CTNND2: variants seen among roughly 807,000 people sequenced by gnomAD.
CTNND2 encodes catenin delta-2.
In CTNND2, 22 loss-of-function variants were observed where a neutral mutation model predicts 144.4. The observed-to-expected ratio is 0.15, with a 90% CI of 0.11 to 0.22. The LOEUF is 0.22. CTNND2 is among the 10% of genes least tolerant of loss of function. CTNND2 has a pLI of 1.00. For synonymous variants in CTNND2, 751 were observed against 695.6 expected (o/e 1.08, Z -1.25); for missense variants, 1,353 against 1,618.8 (o/e 0.84, Z 2.82).
At chr5:11,253,341 A>C (rs989971463) in intron 9 of CTNND2, among the ~76,000 whole-genome samples, 5 of 152,192 alleles carry the variant, frequency 3.3e-5, no homozygotes, top group African/African-American at 1.2e-4. Context: ...CCTCACTCAA[A>C]TCTTATCTTG....
At chr5:11,530,860 G>C (rs1410047004) in intron 3 of CTNND2, among the ~76,000 whole-genome samples, 1 of 152,098 alleles carries the variant, frequency 6.6e-6, no homozygotes, top group African/African-American at 2.4e-5. Flanking sequence ...CTCTTGACTG[G>C]GGTTTTTTAA....
chr5:11,217,074 C>T (rs921819642), intron 10 of CTNND2, among the ~76,000 whole-genome samples: 13 of 152,136 alleles, frequency 8.5e-5, no homozygotes, highest in Admixed American at 6.5e-4. Flanking sequence ...ACTCTTTGTC[C>T]ATTTTCTTGA....
At chr5:11,076,720 T>C (rs1219190482) in intron 16 of CTNND2, among the ~76,000 whole-genome samples, 1 of 152,226 alleles carries the variant, frequency 6.6e-6, no homozygotes, top group Non-Finnish European at 1.5e-5. Context: ...AGTGCTACTG[T>C]ATGATTCTCA....
chr5:11,479,349 G>T (rs180748817), intron 3 of CTNND2, among the ~76,000 whole-genome samples: 12 of 152,172 alleles, frequency 7.9e-5, no homozygotes, highest in African/African-American at 2.6e-4. Flanking sequence ...TTATGGCTGT[G>T]TACAATTCCA....
rs557800317 is a variant in CTNND2, at chr5:11,105,710, T to C, written c.2463+5148A>G. Among the ~76,000 whole-genome samples, 9 of 152,326 alleles carry C rather than the reference T, an allele frequency of 5.9e-5. No homozygotes were observed. In the South Asian group the frequency reaches 1.7e-3, roughly 28 times the overall value. The stretch of plus-strand genomic sequence containing the variant: ...TCTTCCACTAGAGGTGAGAAAGAAG[T>C]AGAAGAATATGGTTCATCCATGGAT... On this transcript the variant is annotated intron_variant, in intron 14 of 21. Transcript: ENST00000304623.
At chr5:11,513,521 T>C (rs964352555) in intron 3 of CTNND2, among the ~76,000 whole-genome samples, 21 of 152,340 alleles carry the variant, frequency 1.4e-4, no homozygotes, top group African/African-American at 5.1e-4. Context: ...TCAATTTTTC[T>C]TCCTTTCTCC....
intron 9 of CTNND2, among the ~76,000 whole-genome samples, chr5:11,257,747 T>A (rs1025596474): frequency 3.3e-5 from 5 of 152,226 alleles, no homozygotes; most frequent in African/African-American, 1.2e-4. Context: ...AGGAGCCTGA[T>A]GGTTGATGGG....
intron 1 of CTNND2, among the ~76,000 whole-genome samples, chr5:11,799,349 C>T (rs997536889): frequency 2.0e-5 from 3 of 152,056 alleles, no homozygotes; most frequent in African/African-American, 7.2e-5. Flanking sequence ...TGCTTTCTTC[C>T]TTTTTATCTC....
At chr5:11,056,324 A>G (rs1373313164) in intron 16 of CTNND2, among the ~76,000 whole-genome samples, 1 of 152,238 alleles carries the variant, frequency 6.6e-6, no homozygotes, top group Non-Finnish European at 1.5e-5. Flanking sequence ...TGCTAAGGAA[A>G]TATTGAAAAA....
intron 18 of CTNND2, among the ~76,000 whole-genome samples, chr5:10,995,825 G>A (rs368441658): frequency 6.6e-6 from 1 of 152,158 alleles, no homozygotes; most frequent in Non-Finnish European, 1.5e-5. Context: ...CATGGACATG[G>A]GGAAGAGACT....
At chr5:11,397,515 C>T (rs957096706) in intron 5 of CTNND2, among the ~76,000 whole-genome samples, 14 of 152,098 alleles carry the variant, frequency 9.2e-5, no homozygotes, top group Non-Finnish European at 1.5e-4. Flanking sequence ...ATTTTGGGAT[C>T]AGACAATATC....
intron 18 of CTNND2, among the ~76,000 whole-genome samples, chr5:11,008,364 T>C (rs1638361): frequency 0.78 from 117,413 of 151,460 alleles, 45,746 homozygotes; most frequent in African/African-American, 0.85. Flanking sequence ...AAGAGAGATT[T>C]GGGGGGTCAC....
intron 9 of CTNND2, among the ~76,000 whole-genome samples, chr5:11,237,917 G>A (rs1370780277): frequency 6.6e-6 from 1 of 152,140 alleles, no homozygotes; most frequent in Non-Finnish European, 1.5e-5. Flanking sequence ...ATAACATAAT[G>A]ACTTTATAAT....
chr5:11,014,936 A>G (rs946672727), intron 18 of CTNND2, among the ~76,000 whole-genome samples: 4 of 152,166 alleles, frequency 2.6e-5, no homozygotes, highest in Non-Finnish European at 5.9e-5. Context: ...TTTGGTCTAT[A>G]AGTTTCTTTC....
At chr5:11,217,472 T>C (rs956559811) in intron 10 of CTNND2, among the ~76,000 whole-genome samples, 1 of 152,182 alleles carries the variant, frequency 6.6e-6, no homozygotes, top group Non-Finnish European at 1.5e-5. Context: ...TCATAGGCAG[T>C]GCCTATGATT....
At chr5:11,413,513 G>A (rs1761703991) in intron 3 of CTNND2, among the ~76,000 whole-genome samples, 1 of 152,074 alleles carries the variant, frequency 6.6e-6, no homozygotes, top group South Asian at 2.1e-4. Flanking sequence ...AATCCCATTG[G>A]TCATTTGCAG....
At chr5:11,265,654 C>T (rs1211857851) in intron 9 of CTNND2, among the ~76,000 whole-genome samples, 1 of 150,752 alleles carries the variant, frequency 6.6e-6, no homozygotes, top group African/African-American at 2.4e-5. Context: ...TTAAGTTGTC[C>T]AAAATCAGTT....
intron 8 of CTNND2, among the ~76,000 whole-genome samples, chr5:11,354,441 C>G (rs373164851): frequency 6.6e-6 from 1 of 152,170 alleles, no homozygotes; most frequent in South Asian, 2.1e-4. Context: ...TAGCTTGGAA[C>G]CTGGTGGATT....
intron 2 of CTNND2, among the ~76,000 whole-genome samples, chr5:11,719,857 C>CAT (rs1786562056): frequency 6.6e-6 from 1 of 151,530 alleles, no homozygotes; most frequent in South Asian, 2.1e-4. Context: ...CACACACACA[C>CAT]ACACACACAC....
Sources: allele counts gnomAD v4.1 joint callset (sites outside exome capture counted in the v4.1 genomes callset), GRCh38; gene constraint gnomAD v4.1.1; transcripts MANE v1.5; gene names NCBI Gene and HGNC (gene_info 2026-07-23, HGNC 2026-07-21).